CDCA8: variants seen among roughly 807,000 people sequenced by gnomAD.
CDCA8 encodes the protein borealin.
A neutral mutation model predicts 40.0 loss-of-function variants in CDCA8; 25 were observed. The observed-to-expected ratio is 0.63, with a 90% CI of 0.46 to 0.87. CDCA8 has a LOEUF of 0.87. CDCA8 is among the 40% of genes least tolerant of loss of function. CDCA8 has a pLI of 0.00. For missense variants in CDCA8, 280 were observed against 348.4 expected, an observed-to-expected ratio of 0.80 and a Z score of 1.56; for synonymous variants, 111 against 126.5, an observed-to-expected ratio of 0.88 and a Z score of 0.82.
In CDCA8 at chr1:37,696,184, G is replaced by C. The variant is rs1404797483; in HGVS notation, c.264+234G>C. On this transcript the variant is annotated intron_variant, in intron 3 of 9. Transcript: ENST00000373055. This position sits in a 1 kb window ranked among gnomAD's most constrained non-coding sequence, Gnocchi z 5.0. ...CCAATTTCTTGCAGTCCTTTGTTCT[G>C]AACTCTACAGCGGAAGTAGAAAGCC... 1.3e-5 allele frequency among the ~76,000 whole-genome samples: 2 copies of C among 152,206 alleles called. No individual in the cohort carries two copies. The highest frequency in any genetic ancestry group is 2.9e-5 in the Non-Finnish European group (2 of 68,042).
At chr1:37,707,495 A>G (rs868069740) in intron 9 of CDCA8, among the ~76,000 whole-genome samples, 3 of 152,154 alleles carry the variant, frequency 2.0e-5, no homozygotes, top group African/African-American at 7.2e-5. Flanking sequence ...CTGTGTGCTC[A>G]TTTCTCTCAC....
In CDCA8 at chr1:37,692,994, C is replaced by T. The variant is rs770780603; in HGVS notation, c.184C>T (p.Pro62Ser). 1 of 1,614,098 alleles carries T rather than the reference C, an allele frequency of 6.2e-7. No homozygotes were observed. Among genetic ancestry groups the T allele is most frequent in the African/African-American group, 1.3e-5 (1 of 75,046 alleles). ...CTACAACATCGAGATCCTGCGGCTC[C>T]CCAAGGCTCTGCGCGAGATGAACTG... ...NLYNIEILRL[P>S]KALREMNWLD... Residue 62 changes from proline to serine, a missense_variant, in exon 2 of 10, where the codon CCC becomes TCC. Pro to Ser is a moderately conservative substitution (Grantham distance 74). Transcript: ENST00000373055.
Position 37,692,803 on chromosome 1 carries a change from G to A in CDCA8, c.94+19G>A. On this transcript the variant is annotated intron_variant, in intron 1 of 9. Transcript: ENST00000373055. ...CGTGAAGGTAAGGGGCCAGGCCGTCGCGGCCTCCTGGGGCGGTCGCGGGAT... is the reference window on the plus strand; with the variant it reads ...CGTGAAGGTAAGGGGCCAGGCCGTCACGGCCTCCTGGGGCGGTCGCGGGAT... 6.2e-7 allele frequency: 1 copy of A among 1,612,918 alleles called. No homozygotes were observed. The highest frequency in any genetic ancestry group is 1.7e-4 in the Middle Eastern group (1 of 6,060).
chr1:37,708,161 T>C (rs1557520163), intron 9 of CDCA8, among the ~76,000 whole-genome samples, 161 bp from the exon 10 acceptor site: 1 of 152,216 alleles, frequency 6.6e-6, no homozygotes, highest in Non-Finnish European at 1.5e-5. Context: ...TCACTTGAGT[T>C]GTTATTTTAC....
chr1:37,707,134 T>A, intron 9 of CDCA8, 70 bp downstream of exon 9: 1 of 1,185,222 alleles, frequency 8.4e-7, no homozygotes, highest in Non-Finnish European at 1.3e-6. Flanking sequence ...TTATTTAGGA[T>A]TGTCTTTTGG....
intron 3 of CDCA8, among the ~76,000 whole-genome samples, chr1:37,698,633 A>G (rs1645542689): frequency 6.6e-6 from 1 of 152,160 alleles, no homozygotes; most frequent in African/African-American, 2.4e-5. Flanking sequence ...ACCCCTGGGG[A>G]ATGAAGGATT....
At chr1:37,699,042 G>A in intron 4 of CDCA8, 65 bp downstream of exon 4, 6 of 1,069,034 alleles carry the variant, frequency 5.6e-6, no homozygotes, top group Middle Eastern at 2.0e-4. Context: ...TTGGTTGGCT[G>A]CTCAGGCAGC....
chr1:37,693,409 AAC>A (rs1414098907), intron 2 of CDCA8, among the ~76,000 whole-genome samples: 4 of 152,130 alleles, frequency 2.6e-5, no homozygotes, highest in Non-Finnish European at 5.9e-5. Context: ...ATTTTTTTTA[AAC>A]AGAGTCTCAC....
At chr1:37,703,407 G>A in intron 7 of CDCA8, 60 bp downstream of exon 7, 1 of 1,244,280 alleles carries the variant, frequency 8.0e-7, no homozygotes, top group South Asian at 1.2e-5. Flanking sequence ...ACTACCCAGA[G>A]AAGGAGTGTC....
chr1:37,694,205 A>T (rs1203868719), intron 2 of CDCA8, among the ~76,000 whole-genome samples: 1 of 152,064 alleles, frequency 6.6e-6, no homozygotes, highest in Non-Finnish European at 1.5e-5. Context: ...GCACTCCCTT[A>T]TTAAATGTCC....
rs1287285828 is a variant in CDCA8, at chr1:37,699,701, C to T, written c.337+724C>T. Among the ~76,000 whole-genome samples, 7 of 152,136 alleles carry T rather than the reference C, an allele frequency of 4.6e-5. No individual in the cohort carries two copies. The South Asian group carries it at 6.2e-4, about 14-fold the overall frequency. ...TTGGGAGGCCGAGGTGGGTGGATCA[C>T]GAGGTCAGGAGTTCGAGACCATCCT... On this transcript the variant is annotated intron_variant, in intron 4 of 9. Transcript: ENST00000373055.
chr1:37,704,503 T>A (rs1645585740), intron 7 of CDCA8, among the ~76,000 whole-genome samples: 1 of 152,212 alleles, frequency 6.6e-6, no homozygotes, highest in Non-Finnish European at 1.5e-5. Flanking sequence ...TCCCATTTGG[T>A]TTTATATACA....
rs1238915072 is a variant in CDCA8, at chr1:37,695,951, G to GT, written c.264+2dup. 1.9e-6 allele frequency: 3 copies of GT among 1,613,812 alleles called. No individual in the cohort carries two copies. The highest frequency in any genetic ancestry group is 2.2e-5 in the South Asian group (2 of 91,068). ...ACAGGCCCTGGAAGAGGCGGCAACA[G>GT]TAAGTGACCTTTCCTATTTTCCAGC... On this transcript the variant is annotated splice_donor_variant, in intron 3 of 9. Transcript: ENST00000373055. LOFTEE classifies it high-confidence loss of function.
chr1:37,702,990 C>G (rs1645574818), intron 6 of CDCA8, among the ~76,000 whole-genome samples: 1 of 151,156 alleles, frequency 6.6e-6, no homozygotes, highest in Non-Finnish European at 1.5e-5. Flanking sequence ...AGGCAGACTA[C>G]TTTGGTTCAA....
chr1:37,708,576 C>A lies in CDCA8; in HGVS notation c.*210C>A. The stretch of plus-strand genomic sequence containing the variant: ...CCATCCCAGCTGATCCCAGTCACTG[C>A]TTGCTGGGGCCATGCCATGGAAGCT... On this transcript the variant is annotated 3_prime_UTR_variant, in exon 10 of 10. Coordinates refer to ENST00000373055, the MANE Select transcript of CDCA8 (RefSeq NM_001256875.2). 1.7e-6 allele frequency: 1 copy of A among 582,070 alleles called. No individual in the cohort carries two copies. The highest frequency in any genetic ancestry group is 2.9e-5 in the East Asian group (1 of 34,292). 36.1% of individuals were successfully genotyped at this position (582,070 alleles called of 1,614,324 possible).
At chr1:37,706,591 C>A (rs1033684128) in intron 8 of CDCA8, among the ~76,000 whole-genome samples, 6 of 152,210 alleles carry the variant, frequency 3.9e-5, no homozygotes, top group African/African-American at 1.4e-4. Context: ...GAGGTATGCG[C>A]TTAGTCTAGA....
At chr1:37,705,872 C>T (rs1438510161) in intron 8 of CDCA8, among the ~76,000 whole-genome samples, 2 of 141,396 alleles carry the variant, frequency 1.4e-5, no homozygotes, top group African/African-American at 5.4e-5. Flanking sequence ...TGCAGTGGTG[C>T]GATCTCGGCT....
rs116617022 is a variant in CDCA8 at position 37,693,850 on chromosome 1, G to A, written c.223+817G>A. On this transcript the variant is annotated intron_variant, in intron 2 of 9. Transcript: ENST00000373055. ...GGAAATTGCTAACCTAAAAATGGGC[G>A]CATCAGGCTGGGCGTGGTGGCTCAC... Among the ~76,000 whole-genome samples the A allele has an allele frequency of 9.8e-3, 1,498 of 152,188 alleles. 25 individuals are homozygous for A. The highest frequency in any genetic ancestry group is 0.034 in the African/African-American group (1,416 of 41,512).
intron 7 of CDCA8, among the ~76,000 whole-genome samples, chr1:37,704,172 C>T (rs1359924225): frequency 6.6e-6 from 1 of 152,018 alleles, no homozygotes; most frequent in Non-Finnish European, 1.5e-5. Context: ...TGAGCTCAAG[C>T]AATCTGCCCA....
Sources: gnomAD v4.1 joint callset for allele counts (sites outside exome capture counted in the v4.1 genomes callset) on GRCh38, gnomAD v4.1.1 for gene constraint, Gnocchi (gnomAD v3.1) non-coding constraint, MANE v1.5 for transcripts, NCBI Gene and HGNC (gene_info 2026-07-23, HGNC 2026-07-21) for gene names.